GMEB2: variants seen among roughly 807,000 people sequenced by gnomAD.
GMEB2 encodes glucocorticoid modulatory element binding protein 2, also known as glucocorticoid modulatory element-binding protein 2.
A neutral mutation model predicts 45.7 loss-of-function variants in GMEB2; 7 were observed. That is an observed-to-expected ratio of 0.15 (90% confidence interval 0.09 to 0.29). GMEB2 has a LOEUF of 0.29. Ranked by LOEUF, GMEB2 falls within the 10% of genes least tolerant of loss-of-function variation. The pLI is 1.00. For synonymous variants in GMEB2, 322 were observed against 323.6 expected (o/e 1.00, Z 0.05); for missense variants, 582 against 739.2 (o/e 0.79, Z 2.47).
chr20:63,591,333 A>G (rs1422901707), intron 9 of GMEB2, among the ~76,000 whole-genome samples: 2 of 152,130 alleles, frequency 1.3e-5, no homozygotes, highest in African/African-American at 4.8e-5. Flanking sequence ...GTGAACACGC[A>G]GTGAACACAC....
At chr20:63,595,551 C>A (rs978599305) in intron 6 of GMEB2, 59 bp downstream of exon 6, 2 of 1,490,424 alleles carry the variant, frequency 1.3e-6, no homozygotes, top group South Asian at 2.4e-5. Flanking sequence ...GGGCATGTCA[C>A]CCTCTGTGGC....
rs568049359 is a variant in GMEB2 at position 63,596,847 on chromosome 20, G to A, written c.461+910C>T. Among the ~76,000 whole-genome samples, 70 of 152,228 alleles carry A rather than the reference G, an allele frequency of 4.6e-4. 1 individual carries two copies. The highest frequency in any genetic ancestry group is 6.8e-4 in the Non-Finnish European group (46 of 68,022). ...AGCCTGGACAATATGGCAAAATCCC[G>A]TCTCTACTAAAAATACAAAAATTAG... is the stretch of plus-strand genomic sequence containing the variant. On this transcript the variant is annotated intron_variant, in intron 5 of 9. Transcript: ENST00000370077.
Position 63,590,375 on chromosome 20 carries a change from G to A in GMEB2, c.1307C>T (p.Ser436Phe). The change falls in exon 10 of 10, where the codon TCT becomes TTT. Residue 436 changes from serine (S) to phenylalanine (F), a missense_variant. Transcript: ENST00000370077. ...TGTGCTGGGGTAGGTGGAGCCGGAA[G>A]AGGCCAAGACTGTGTATCCCCCGAG... Reference protein sequence around the residue: ...PLLGGYTVLASSGSTYPSTVE... With the variant: ...PLLGGYTVLAFSGSTYPSTVE... 6.2e-7 allele frequency: 1 copy of A among 1,605,438 alleles called. No homozygotes were observed. Among genetic ancestry groups the A allele is most frequent in the Non-Finnish European group, 8.5e-7 (1 of 1,174,260 alleles).
In GMEB2 at chr20:63,592,606, C is replaced by T; in HGVS notation, c.756G>A (p.Glu252=). ...TGGTCTCCACCAGCTCCTGGTGGAACTCCTGGATGACCTCGTCCAGCAGGC... is the reference window on the plus strand; with the variant it reads ...TGGTCTCCACCAGCTCCTGGTGGAATTCCTGGATGACCTCGTCCAGCAGGC... ...DAGLLDEVIQ[E]FHQELVETMR... Residue 252 remains glutamate, a synonymous_variant, in exon 8 of 10, where the codon GAG becomes GAA. Coordinates refer to ENST00000370077, the MANE Select transcript of GMEB2 (RefSeq NM_012384.5). The surrounding 1 kb of genome is among the most constrained non-coding windows in gnomAD (Gnocchi z 8.2). 6.2e-7 allele frequency: 1 copy of T among 1,611,108 alleles called. No homozygotes were observed. Among genetic ancestry groups the T allele is most frequent in the Non-Finnish European group, 8.5e-7 (1 of 1,177,316 alleles).
intron 5 of GMEB2, among the ~76,000 whole-genome samples, chr20:63,597,164 G>GTTTT (rs10627120): frequency 0.018 from 2,384 of 132,588 alleles, 98 homozygotes; most frequent in Non-Finnish European, 0.022. Context: ...TTTTATTCTT[G>GTTTT]TTTTTTTTTT....
At chr20:63,615,761 G>A (rs947463335) in intron 2 of GMEB2, among the ~76,000 whole-genome samples, 8 of 152,220 alleles carry the variant, frequency 5.3e-5, no homozygotes, top group Non-Finnish European at 7.3e-5. Context: ...TGCTGGGAAC[G>A]CGAGGGGCAC....
chr20:63,618,329 A>G (rs1482794705), intron 2 of GMEB2, among the ~76,000 whole-genome samples: 1 of 152,198 alleles, frequency 6.6e-6, no homozygotes, highest in Admixed American at 6.5e-5. Flanking sequence ...ACACAGGTCC[A>G]TGTCTTGCTC....
At chr20:63,600,256 G>A (rs974474101) in intron 4 of GMEB2, among the ~76,000 whole-genome samples, 25 of 151,630 alleles carry the variant, frequency 1.6e-4, no homozygotes, top group South Asian at 8.3e-4. Flanking sequence ...TGTTGGCTGC[G>A]CTGGTCTCGA....
In GMEB2 at chr20:63,589,867, G is replaced by C. The variant is rs1320237331; in HGVS notation, c.*222C>G. The C allele has an allele frequency of 2.3e-6, 1 of 426,474 alleles. No individual in the cohort carries two copies. The highest frequency in any genetic ancestry group is 4.1e-6 in the Non-Finnish European group (1 of 241,874). The allele number at this position is 426,474 out of a possible 1,614,324, so 26.4% of individuals were successfully genotyped here. ...GAAAAATATATTTCCCAAGAAAAAAGGGGGAGGAAACGTGGGACCTGAAGA... is the reference window on the plus strand; with the variant it reads ...GAAAAATATATTTCCCAAGAAAAAACGGGGAGGAAACGTGGGACCTGAAGA... On this transcript the variant is annotated 3_prime_UTR_variant, in exon 10 of 10. Transcript: ENST00000370077.
At position 63,589,425 on chromosome 20, in the gene GMEB2, C is replaced by A. The variant is rs183383748; in HGVS notation, c.*664G>T. 5.4e-6 allele frequency: 2 copies of A among 370,318 alleles called. No individual in the cohort carries two copies. Among genetic ancestry groups the A allele is most frequent in the Non-Finnish European group, 9.6e-6 (2 of 208,222 alleles). The allele number at this position is 370,318 out of a possible 1,614,324, so 22.9% of individuals were successfully genotyped here. A position where few individuals can be genotyped will look rare whatever the true frequency, so the allele number is the denominator to read the frequency against. ...TACATGTGCAACAATGCCTGGACCACGCCTCGTCTGTGCGGCCCCTGGGCC... is the reference window on the plus strand; with the variant it reads ...TACATGTGCAACAATGCCTGGACCAAGCCTCGTCTGTGCGGCCCCTGGGCC... On this transcript the variant is annotated 3_prime_UTR_variant, in exon 10 of 10. Coordinates refer to ENST00000370077, the MANE Select transcript of GMEB2 (RefSeq NM_012384.5).
chr20:63,621,782 G>A (rs1043281404), intron 1 of GMEB2, among the ~76,000 whole-genome samples: 2 of 151,182 alleles, frequency 1.3e-5, no homozygotes, highest in South Asian at 2.1e-4. Context: ...GACTCATTAG[G>A]ATTAGATATA....
chr20:63,589,041 G>A lies in GMEB2; in HGVS notation c.*1048C>T, dbSNP rs946353092. ...CAGAGACCACCAAGGGCCAGCCCAG[G>A]GGCTGCATGGGGGCCGGGGGCCAGG... is the stretch of plus-strand genomic sequence containing the variant. On this transcript the variant is annotated 3_prime_UTR_variant, in exon 10 of 10. Coordinates refer to ENST00000370077, the MANE Select transcript of GMEB2 (RefSeq NM_012384.5). 4 of 398,914 alleles carry A rather than the reference G, an allele frequency of 1.0e-5. No individual in the cohort carries two copies. The highest frequency in any genetic ancestry group is 1.8e-5 in the Non-Finnish European group (4 of 226,364). 24.7% of individuals were successfully genotyped at this position (398,914 alleles called of 1,614,324 possible). A position where few individuals can be genotyped will look rare whatever the true frequency, so the allele number is the denominator to read the frequency against.
chr20:63,621,667 C>CAAAAAAA (rs56222018), intron 1 of GMEB2, among the ~76,000 whole-genome samples: 12 of 54,608 alleles, frequency 2.2e-4, no homozygotes, highest in South Asian at 1.0e-3. Context: ...AACTCCATCT[C>CAAAAAAA]AAAAAAAAAA....
chr20:63,604,855 G>A lies in GMEB2; in HGVS notation c.132-15C>T. 1.1e-5 allele frequency: 17 copies of A among 1,478,850 alleles called. No homozygotes were observed. Among genetic ancestry groups the A allele is most frequent in the Non-Finnish European group, 1.4e-5 (15 of 1,056,168 alleles). The allele number at this position is 1,478,850 out of a possible 1,614,324, so 91.6% of individuals were successfully genotyped here. On this transcript the variant is annotated splice_polypyrimidine_tract_variant and intron_variant, in intron 2 of 9. Coordinates refer to ENST00000370077, the MANE Select transcript of GMEB2 (RefSeq NM_012384.5). ...TCAGGTCGCCCCTGGTGAAGTGAAG[G>A]GAGGAGAGAATAGAATCAGGATCCC... is the stretch of plus-strand genomic sequence containing the variant.
At chr20:63,606,154 C>T (rs1034316702) in intron 2 of GMEB2, among the ~76,000 whole-genome samples, 10 of 151,868 alleles carry the variant, frequency 6.6e-5, no homozygotes, top group African/African-American at 1.2e-4. Flanking sequence ...TCATAAAAAA[C>T]TAAATTGTAG....
chr20:63,623,079 T>C (rs529009139), intron 1 of GMEB2, among the ~76,000 whole-genome samples: 2 of 152,258 alleles, frequency 1.3e-5, no homozygotes, highest in African/African-American at 2.4e-5. Context: ...CACTAAGGAC[T>C]AAGTGCGAGG....
At chr20:63,609,354 T>A (rs372882556) in intron 2 of GMEB2, among the ~76,000 whole-genome samples, 2 of 101,734 alleles carry the variant, frequency 2.0e-5, no homozygotes, top group Non-Finnish European at 3.9e-5. Context: ...ACCCCACACA[T>A]CCATTTCTAG....
chr20:63,619,133 T>C lies in GMEB2; in HGVS notation c.131+134A>G, dbSNP rs2089628069. The C allele has an allele frequency of 3.6e-6, 3 of 839,152 alleles. No homozygotes were observed. In the African/African-American group the frequency reaches 5.3e-5, roughly 15 times the overall value. 52.0% of individuals were successfully genotyped at this position (839,152 alleles called of 1,614,324 possible). A position where few individuals can be genotyped will look rare whatever the true frequency, so the allele number is the denominator to read the frequency against. On this transcript the variant is annotated intron_variant, in intron 2 of 9. Transcript: ENST00000370077. This position sits in a 1 kb window ranked among gnomAD's most constrained non-coding sequence, Gnocchi z 4.6. ...CTTCGCTCTCTACTTACACACACAT[T>C]TGAGTCCAGTCTCAGAAGAACTGGA...
Position 63,619,233 on chromosome 20 carries a change from C to CA in GMEB2, c.131+33dup, listed in dbSNP as rs1253234720. ...CCAAGGACAGCCCAACCCAAGCCCC[C>CA]ATCAGCCCCAATGGCACCGAGGCCC... On this transcript the variant is annotated intron_variant, in intron 2 of 9. Coordinates refer to ENST00000370077, the MANE Select transcript of GMEB2 (RefSeq NM_012384.5). This position sits in a 1 kb window ranked among gnomAD's most constrained non-coding sequence, Gnocchi z 4.6. The CA allele has an allele frequency of 6.4e-7, 1 of 1,557,332 alleles. No homozygotes were observed. Among genetic ancestry groups the CA allele is most frequent in the Non-Finnish European group, 8.7e-7 (1 of 1,151,712 alleles).
Sources: allele counts gnomAD v4.1 joint callset (sites outside exome capture counted in the v4.1 genomes callset), GRCh38; gene constraint gnomAD v4.1.1; non-coding constraint Gnocchi (gnomAD v3.1); transcripts MANE v1.5; gene names NCBI Gene and HGNC (gene_info 2026-07-23, HGNC 2026-07-21).